The following LIPE variants were observed in gnomAD, a reference collection of about 807,000 sequenced individuals.
LIPE encodes hormone-sensitive lipase.
LIPE carries 66 observed loss-of-function variants against 88.5 expected under a neutral mutation model. The observed-to-expected ratio is 0.75, with a 90% CI of 0.61 to 0.91. The LOEUF is 0.91. Ranked by LOEUF, LIPE falls within the 40% of genes least tolerant of loss-of-function variation. The pLI, the probability that LIPE is intolerant of heterozygous loss-of-function variation, is 0.00. For missense variants in LIPE, 1,346 were observed against 1,434.7 expected, an observed-to-expected ratio of 0.94 and a Z score of 1.00; for synonymous variants, 570 against 617.5, an observed-to-expected ratio of 0.92 and a Z score of 1.14.
rs558854199 is a variant in LIPE at position 42,410,717 on chromosome 19, C to T, written c.1009G>A (p.Val337Ile). 108 of 1,613,844 alleles carry T rather than the reference C, an allele frequency of 6.7e-5. 2 individuals carry two copies. The highest frequency in any genetic ancestry group is 5.9e-4 in the South Asian group (54 of 91,072). ...GCCTGCTCCCGTACACCGGCAAAAA[C>T]GCCTGACAGCCGCTGGGCCGTTTCC... ...PGETAQRLSG[V>I]FAGVREQALG... The change falls in exon 2 of 10, where the codon GTT (valine) becomes ATT (isoleucine). Residue 337 changes from valine to isoleucine, a missense_variant. Physicochemically the swap from Val to Ile is conservative, Grantham distance 29 (BLOSUM62 3). Transcript: ENST00000244289. The surrounding 1 kb of genome is among the most constrained non-coding windows in gnomAD (Gnocchi z 6.1).
chr19:42,413,181 A>G (rs2040419217), intron 1 of LIPE, among the ~76,000 whole-genome samples: 1 of 152,146 alleles, frequency 6.6e-6, no homozygotes, highest in East Asian at 1.9e-4. Context: ...CCCAGCTAAG[A>G]TATGCACGCC....
intron 1 of LIPE, among the ~76,000 whole-genome samples, chr19:42,417,066 G>A (rs1418880629): frequency 4.6e-5 from 7 of 151,974 alleles, no homozygotes; most frequent in Non-Finnish European, 1.0e-4. Context: ...GACGACAGGC[G>A]CCCGCCACCA....
In LIPE at chr19:42,410,217, C is replaced by T. The variant is rs1043951144; in HGVS notation, c.1419+90G>A. The T allele has an allele frequency of 9.4e-6, 12 of 1,281,910 alleles. No homozygotes were observed. In the Admixed American group the frequency reaches 3.2e-4, roughly 34 times the overall value. The allele number at this position is 1,281,910 out of a possible 1,614,324, so 79.4% of individuals were successfully genotyped here. On this transcript the variant is annotated intron_variant, in intron 2 of 9. Transcript: ENST00000244289. This position sits in a 1 kb window ranked among gnomAD's most constrained non-coding sequence, Gnocchi z 6.1. ...GTTTGCTGAGTCCGATAATGCTGAC[C>T]ACTGGTTACTTTACCATACTATAGG...
chr19:42,423,427 T>G, intron 1 of LIPE: 1 of 1,289,460 alleles, frequency 7.8e-7, no homozygotes, highest in Non-Finnish European at 1.0e-6. Context: ...ACCTTTGGCC[T>G]TGTCTTTTCG....
At chr19:42,411,434 G>T in intron 1 of LIPE, 1 of 580,470 alleles carries the variant, frequency 1.7e-6, no homozygotes, top group Non-Finnish European at 2.2e-6. Context: ...AGGAGTCCGG[G>T]TCCCCCATCC....
At position 42,410,424 on chromosome 19, in the gene LIPE, A is replaced by T; in HGVS notation, c.1302T>A (p.Val434=). The T allele has an allele frequency of 1.2e-6, 2 of 1,614,194 alleles. No individual in the cohort carries two copies. The highest frequency in any genetic ancestry group is 1.7e-6 in the Non-Finnish European group (2 of 1,180,030). ...ALVYYAQRLL[V]TNRPGVLFFE... ...AGAAGAGTACCCCCGGCCGATTGGT[A>T]ACCAGCAGGCGCTGGGCGTAGTAGA... Residue 434 remains valine (V), a synonymous_variant, in exon 2 of 10, where the codon GTT becomes GTA. Transcript: ENST00000244289. This position sits in a 1 kb window ranked among gnomAD's most constrained non-coding sequence, Gnocchi z 6.1.
intron 9 of LIPE, among the ~76,000 whole-genome samples, chr19:42,402,346 T>TC (rs1199001506): frequency 1.3e-5 from 2 of 151,980 alleles, no homozygotes; most frequent in African/African-American, 4.8e-5. Context: ...ACCTTTTTTT[T>TC]CTCTTGATTC....
chr19:42,410,626 T>C lies in LIPE; in HGVS notation c.1100A>G (p.Glu367Gly). Residue 367 changes from glutamate (E) to glycine (G), a missense_variant, in exon 2 of 10, where the codon GAG (glutamate) becomes GGG (glycine). Transcript: ENST00000244289. The surrounding 1 kb of genome is among the most constrained non-coding windows in gnomAD (Gnocchi z 6.1). The part of the protein sequence containing the change: ...GVAHLFDLDP[E>G]TPANGYRSLV... ...GCTGCGGTACCCGTTGGCCGGTGTCTCTGGGTCCAGGTCAAAGAGGTGCGC... is the reference window on the plus strand; with the variant it reads ...GCTGCGGTACCCGTTGGCCGGTGTCCCTGGGTCCAGGTCAAAGAGGTGCGC... The C allele has an allele frequency of 1.2e-6, 2 of 1,613,498 alleles. No individual in the cohort carries two copies. The highest frequency in any genetic ancestry group is 1.7e-6 in the Non-Finnish European group (2 of 1,179,842).
Position 42,414,285 on chromosome 19 carries a change from AGAAAGAAAG to A in LIPE, c.884-3452_884-3444del, listed in dbSNP as rs2040445372. Among the ~76,000 whole-genome samples the A allele has an allele frequency of 6.6e-6, 1 of 152,146 alleles. No individual in the cohort carries two copies. Among genetic ancestry groups the A allele is most frequent in the Non-Finnish European group, 1.5e-5 (1 of 68,014 alleles). On this transcript the variant is annotated intron_variant, in intron 1 of 9. Coordinates refer to ENST00000244289, the MANE Select transcript of LIPE (RefSeq NM_005357.4). This position sits in a 1 kb window ranked among gnomAD's most constrained non-coding sequence, Gnocchi z 4.6. ...GAGACTCTGTCAGAAAAGAAAGGAA[AGAAAGAAAG>A]GAAAGGAAGGAAAGAAAGAAAGGAA...
At position 42,401,645 on chromosome 19, in the gene LIPE, C is replaced by G; in HGVS notation, c.*167G>C. 1 of 579,826 alleles carries G rather than the reference C, an allele frequency of 1.7e-6. No homozygotes were observed. The allele number at this position is 579,826 out of a possible 1,614,324, so 35.9% of individuals were successfully genotyped here. ...CGTGCAGGTCCAGCCGTCTCGGTGA[C>G]CGGTGTGTGTGCGCGTCCCCCTCCC... On this transcript the variant is annotated 3_prime_UTR_variant, in exon 10 of 10. Transcript: ENST00000244289.
rs1305606544 is a variant in LIPE at position 42,414,289 on chromosome 19, AGAAAG to A, written c.884-3452_884-3448del. Among the ~76,000 whole-genome samples the A allele has an allele frequency of 6.6e-6, 1 of 152,154 alleles. No homozygotes were observed. Among genetic ancestry groups the A allele is most frequent in the African/African-American group, 2.4e-5 (1 of 41,440 alleles). Reference sequence around the variant, plus strand: ...CTCTGTCAGAAAAGAAAGGAAAGAAAGAAAGGAAAGGAAGGAAAGAAAGAAAGGAA... The same window carrying A: ...CTCTGTCAGAAAAGAAAGGAAAGAAAGAAAGGAAGGAAAGAAAGAAAGGAA... On this transcript the variant is annotated intron_variant, in intron 1 of 9. Coordinates refer to ENST00000244289, the MANE Select transcript of LIPE (RefSeq NM_005357.4). This position sits in a 1 kb window ranked among gnomAD's most constrained non-coding sequence, Gnocchi z 4.6.
chr19:42,423,932 G>A (rs2040655586), intron 1 of LIPE: 1 of 1,163,588 alleles, frequency 8.6e-7, no homozygotes. Context: ...ACCTTCCCAG[G>A]GAGGGATGCC....
In LIPE at chr19:42,407,691, G is replaced by A. The variant is rs377288315; in HGVS notation, c.1757C>T (p.Thr586Met). ...EMPLTADPTL[T>M]VTISPPLAHT... The stretch of plus-strand genomic sequence containing the variant: ...GGCCAGTGGGGGTGAGATGGTGACC[G>A]TGAGCGTGGGGTCGGCAGTCAGTGG... The change falls in exon 5 of 10, where the codon ACG (threonine) becomes ATG (methionine). Residue 586 changes from threonine to methionine, a missense_variant. Transcript: ENST00000244289. The surrounding 1 kb of genome is among the most constrained non-coding windows in gnomAD (Gnocchi z 5.8). The A allele has an allele frequency of 2.3e-5, 36 of 1,599,602 alleles. No individual in the cohort carries two copies. The highest frequency in any genetic ancestry group is 1.7e-4 in the South Asian group (15 of 88,696).
intron 1 of LIPE, chr19:42,411,188 C>A (rs2040366470): frequency 2.1e-6 from 1 of 479,570 alleles, no homozygotes; most frequent in African/African-American, 2.1e-5. Flanking sequence ...CTCTTTGGGA[C>A]TCAGAAACTT....
Position 42,408,219 on chromosome 19 carries a change from G to T in LIPE, c.1510+13C>A. On this transcript the variant is annotated intron_variant, in intron 3 of 9. Transcript: ENST00000244289. The surrounding 1 kb of genome is among the most constrained non-coding windows in gnomAD (Gnocchi z 4.3). ...AGAGAGTAGGCTGCGAGTAGAACCT[G>T]GCTGGGACTCACTGAGGCCTGTCTC... 1 of 1,613,890 alleles carries T rather than the reference G, an allele frequency of 6.2e-7. No individual in the cohort carries two copies. The highest frequency in any genetic ancestry group is 1.3e-5 in the African/African-American group (1 of 75,018).
chr19:42,401,769 G>A lies in LIPE; in HGVS notation c.*43C>T, dbSNP rs957540602. ...GCGTCCCCTTCCGCCCGGCCCGGAA[G>A]GCATTCATGACGGAGGCCGGCGCAG... On this transcript the variant is annotated 3_prime_UTR_variant, in exon 10 of 10. Transcript: ENST00000244289. 4 of 1,249,478 alleles carry A rather than the reference G, an allele frequency of 3.2e-6. No homozygotes were observed. The highest frequency in any genetic ancestry group is 3.8e-5 in the Admixed American group (1 of 26,570). The allele number at this position is 1,249,478 out of a possible 1,614,324, so 77.4% of individuals were successfully genotyped here.
Position 42,401,587 on chromosome 19 carries a change from C to T in LIPE, c.*225G>A, listed in dbSNP as rs567854890. On this transcript the variant is annotated 3_prime_UTR_variant, in exon 10 of 10. Coordinates refer to ENST00000244289, the MANE Select transcript of LIPE (RefSeq NM_005357.4). ...GGCCAGTCCCCGTCCCTGCGGCGGT[C>T]GCCGCAGCAGCAGCAGCAAAAGGCA... 9 of 506,508 alleles carry T rather than the reference C, an allele frequency of 1.8e-5. No individual in the cohort carries two copies. The highest frequency in any genetic ancestry group is 8.8e-5 in the South Asian group (3 of 34,126). The allele number at this position is 506,508 out of a possible 1,614,324, so 31.4% of individuals were successfully genotyped here.
At chr19:42,405,765 T>G (rs1600109315) in intron 7 of LIPE, 1 of 581,260 alleles carries the variant, frequency 1.7e-6, no homozygotes. Context: ...AGCCCAGGAG[T>G]TCAAGACCAG....
chr19:42,406,321 A>C lies in LIPE; in HGVS notation c.2205T>G (p.Ala735=). ...SAGGNLCFTV[A]LRAAAYGVRV... ...GCACCCCGTAGGCTGCTGCCCGAAG[A>C]GCCACGGTGAAGCAGAGGTTCCCGC... The change falls in exon 7 of 10, where the codon GCT becomes GCG. Residue 735 remains alanine, a synonymous_variant. Transcript: ENST00000244289. This position sits in a 1 kb window ranked among gnomAD's most constrained non-coding sequence, Gnocchi z 5.7. The C allele has an allele frequency of 6.2e-7, 1 of 1,614,142 alleles. No individual in the cohort carries two copies. The highest frequency in any genetic ancestry group is 8.5e-7 in the Non-Finnish European group (1 of 1,180,004).
Sources: gnomAD v4.1 joint callset for allele counts (sites outside exome capture counted in the v4.1 genomes callset) on GRCh38, gnomAD v4.1.1 for gene constraint, Gnocchi (gnomAD v3.1) non-coding constraint, MANE v1.5 for transcripts, NCBI Gene and HGNC (gene_info 2026-07-23, HGNC 2026-07-21) for gene names.